Variants in LIPE observed in about 807,000 individuals in gnomAD.
LIPE encodes the protein hormone-sensitive lipase.
LIPE carries 66 observed loss-of-function variants against 88.5 expected under a neutral mutation model. The observed-to-expected ratio is 0.75, with a 90% confidence interval of 0.61 to 0.91. LIPE has a LOEUF of 0.91. Among genes scored for constraint, LIPE ranks in the 40% least tolerant of loss-of-function variants. The pLI is 0.00. For missense variants in LIPE, 1,346 were observed against 1,434.7 expected (o/e 0.94, Z 1.00); for synonymous variants, 570 against 617.5 (o/e 0.92, Z 1.14).
At position 42,408,307 on chromosome 19, in the gene LIPE, G is replaced by T. The variant is rs1303057820; in HGVS notation, c.1435C>A (p.Arg479=). ...CLGFQFTPAI[R]PFLQTISIGL... The stretch of plus-strand genomic sequence containing the variant: ...ATGGAGATGGTCTGCAGGAATGGCC[G>T]GATGGCAGGCGTGAACTGTGGAGAG... Residue 479 remains arginine, a synonymous_variant, in exon 3 of 10, where the codon CGG becomes AGG. Transcript: ENST00000244289. This position sits in a 1 kb window ranked among gnomAD's most constrained non-coding sequence, Gnocchi z 4.3. 6.2e-7 allele frequency: 1 copy of T among 1,614,060 alleles called. No individual in the cohort carries two copies. The highest frequency in any genetic ancestry group is 1.7e-5 in the Admixed American group (1 of 60,010).
intron 1 of LIPE, among the ~76,000 whole-genome samples, chr19:42,418,367 C>G (rs760925676): frequency 1.3e-5 from 2 of 152,152 alleles, no homozygotes; most frequent in East Asian, 1.9e-4. Flanking sequence ...GTGAGTGAAT[C>G]GAAGCAGAAA....
chr19:42,424,436 G>A (rs1336257404), intron 1 of LIPE: 1 of 456,278 alleles, frequency 2.2e-6, no homozygotes. Flanking sequence ...CCGCCGCGGT[G>A]GTGTGGGGCG....
chr19:42,417,556 A>AT (rs1330554095), intron 1 of LIPE, among the ~76,000 whole-genome samples: 5 of 151,878 alleles, frequency 3.3e-5, no homozygotes, highest in Non-Finnish European at 5.9e-5. Flanking sequence ...CATCTGGCTA[A>AT]TTTTTTGTGT....
At position 42,408,311 on chromosome 19, in the gene LIPE, G is replaced by A. The variant is rs753000920; in HGVS notation, c.1431C>T (p.Ala477=). The A allele has an allele frequency of 8.7e-6, 14 of 1,613,960 alleles. No homozygotes were observed. The highest frequency in any genetic ancestry group is 2.7e-5 in the African/African-American group (2 of 74,918). The change falls in exon 3 of 10, where the codon GCC becomes GCT. Residue 477 remains alanine (A), a synonymous_variant. Transcript: ENST00000244289. The surrounding 1 kb of genome is among the most constrained non-coding windows in gnomAD (Gnocchi z 4.3). ...GRCLGFQFTP[A]IRPFLQTISI... ...AGATGGTCTGCAGGAATGGCCGGAT[G>A]GCAGGCGTGAACTGTGGAGAGACGC...
chr19:42,419,427 C>T (rs975233333), intron 1 of LIPE, among the ~76,000 whole-genome samples: 2 of 152,170 alleles, frequency 1.3e-5, no homozygotes, highest in Admixed American at 6.5e-5. Flanking sequence ...GGCGGCTCCC[C>T]GAGGACTGGG....
chr19:42,408,269 G>A lies in LIPE; in HGVS notation c.1473C>T (p.Ser491=). The A allele has an allele frequency of 6.2e-7, 1 of 1,614,136 alleles. No homozygotes were observed. Among genetic ancestry groups the A allele is most frequent in the Non-Finnish European group, 8.5e-7 (1 of 1,180,016 alleles). Residue 491 remains serine, a synonymous_variant, in exon 3 of 10, where the codon TCC becomes TCT. Transcript: ENST00000244289. The surrounding 1 kb of genome is among the most constrained non-coding windows in gnomAD (Gnocchi z 4.3). ...CGTTGCGTTTGTAGTGCTCCCCGAAGGACACCAGCCCAATGGAGATGGTCT... is the reference window on the plus strand; with the variant it reads ...CGTTGCGTTTGTAGTGCTCCCCGAAAGACACCAGCCCAATGGAGATGGTCT... The part of the protein sequence containing the change: ...FLQTISIGLV[S]FGEHYKRNET...
At chr19:42,416,273 G>A (rs2040485764) in intron 1 of LIPE, among the ~76,000 whole-genome samples, 1 of 152,042 alleles carries the variant, frequency 6.6e-6, no homozygotes, top group South Asian at 2.1e-4. Flanking sequence ...GAACCTGGGA[G>A]GCGGTGGTTG....
intron 1 of LIPE, among the ~76,000 whole-genome samples, chr19:42,421,623 C>T (rs895912347): frequency 6.6e-6 from 1 of 152,356 alleles, no homozygotes; most frequent in African/African-American, 2.4e-5. Context: ...TGTGCGTCCA[C>T]AAACTCCCTG....
rs141921519 is a variant in LIPE, at chr19:42,406,303, G to A, written c.2223C>T (p.Tyr741=). The A allele has an allele frequency of 6.6e-3, 10,666 of 1,614,090 alleles. 42 individuals are homozygous for A. The highest frequency in any genetic ancestry group is 8.2e-3 in the Non-Finnish European group (9,724 of 1,180,000). ...TGATGCCATCTGGCACCCGCACCCCGTAGGCTGCTGCCCGAAGAGCCACGG... is the reference window on the plus strand; with the variant it reads ...TGATGCCATCTGGCACCCGCACCCCATAGGCTGCTGCCCGAAGAGCCACGG... ...CFTVALRAAA[Y]GVRVPDGIMA... Residue 741 remains tyrosine, a synonymous_variant, in exon 7 of 10, where the codon TAC becomes TAT. Transcript: ENST00000244289. The surrounding 1 kb of genome is among the most constrained non-coding windows in gnomAD (Gnocchi z 5.7).
Position 42,424,951 on chromosome 19 carries a change from T to A in LIPE, c.883+1316A>T, listed in dbSNP as rs2040681232. 8 of 298,162 alleles carry A rather than the reference T, an allele frequency of 2.7e-5. 1 individual carries two copies. The highest frequency in any genetic ancestry group is 2.4e-4 in the South Asian group (8 of 33,256). 18.5% of individuals were successfully genotyped at this position (298,162 alleles called of 1,614,324 possible). On this transcript the variant is annotated intron_variant, in intron 1 of 9. Transcript: ENST00000244289. ...GAGCCTTGGGCCCGTTATCCTCTGA[T>A]GCTGCTCCCCCAACTTTCCTGCCGT...
At chr19:42,412,720 G>T in intron 1 of LIPE, 1 of 246,214 alleles carries the variant, frequency 4.1e-6, no homozygotes, top group Non-Finnish European at 6.5e-6. Context: ...CCTAGCCCCA[G>T]TCCTGAACAA....
At chr19:42,416,349 A>T (rs994280439) in intron 1 of LIPE, among the ~76,000 whole-genome samples, 7 of 152,202 alleles carry the variant, frequency 4.6e-5, no homozygotes, top group African/African-American at 1.7e-4. Flanking sequence ...TGTCTCAAAA[A>T]AAAAAGTGCA....
At position 42,402,817 on chromosome 19, in the gene LIPE, C is replaced by CA; in HGVS notation, c.2756_2757insT (p.Glu920GlyfsTer4). 6.2e-7 allele frequency: 1 copy of CA among 1,613,458 alleles called. No homozygotes were observed. On this transcript the variant is annotated frameshift_variant, in exon 9 of 10. Coordinates refer to ENST00000244289, the MANE Select transcript of LIPE (RefSeq NM_005357.4). LOFTEE classifies it high-confidence loss of function. ...GCTCATTTTTGGCCTCAGCCTCTTCCCCTGCATCCTCAGGTGGTAATAAGA... is the reference window on the plus strand; with the variant it reads ...GCTCATTTTTGGCCTCAGCCTCTTCCACCTGCATCCTCAGGTGGTAATAAGA...
chr19:42,401,998 C>G lies in LIPE; in HGVS notation c.3045G>C (p.Thr1015=), dbSNP rs937789609. The change falls in exon 10 of 10, where the codon ACG becomes ACC. Residue 1015 remains threonine (T), a synonymous_variant. Coordinates refer to ENST00000244289, the MANE Select transcript of LIPE (RefSeq NM_005357.4). ...GCGGCAGGTCCTCCACCACGCGCAG[C>G]GTCACCGGCTGGCCCAGGTTGCGCA... The part of the protein sequence containing the change: ...RRLRNLGQPV[T]LRVVEDLPHG... The G allele has an allele frequency of 6.4e-7, 1 of 1,553,612 alleles. No homozygotes were observed. Among genetic ancestry groups the G allele is most frequent in the Non-Finnish European group, 8.7e-7 (1 of 1,151,338 alleles).
In LIPE at chr19:42,405,449, T is replaced by C. The variant is rs1294244166; in HGVS notation, c.2478A>G (p.Ser826=). 2.5e-6 allele frequency: 4 copies of C among 1,613,976 alleles called. No individual in the cohort carries two copies. The South Asian group carries it at 4.4e-5, about 18-fold the overall frequency. ...LLRDFRLGAS[S]WLNSFLELSG... is the part of the protein sequence containing the mutation. ...TTAACTCCAGGAAGGAGTTGAGCCATGAGGAGGCACCCAGGCGGAAGTCTC... is the reference window on the plus strand; with the variant it reads ...TTAACTCCAGGAAGGAGTTGAGCCACGAGGAGGCACCCAGGCGGAAGTCTC... The change falls in exon 8 of 10, where the codon TCA becomes TCG. Residue 826 remains serine, a synonymous_variant. Coordinates refer to ENST00000244289, the MANE Select transcript of LIPE (RefSeq NM_005357.4).
chr19:42,408,509 T>A lies in LIPE; in HGVS notation c.1420-187A>T, dbSNP rs2040265938. On this transcript the variant is annotated intron_variant, in intron 2 of 9. Coordinates refer to ENST00000244289, the MANE Select transcript of LIPE (RefSeq NM_005357.4). The surrounding 1 kb of genome is among the most constrained non-coding windows in gnomAD (Gnocchi z 4.3). ...ATGTTCTCAAAGGGAAAACAAATGATCAGCAGATAAGCAAAGCCACGCGCA... is the reference window on the plus strand; with the variant it reads ...ATGTTCTCAAAGGGAAAACAAATGAACAGCAGATAAGCAAAGCCACGCGCA... 7 of 593,852 alleles carry A rather than the reference T, an allele frequency of 1.2e-5. 1 individual carries two copies. In the South Asian group the frequency reaches 1.4e-4, roughly 12 times the overall value. 36.8% of individuals were successfully genotyped at this position (593,852 alleles called of 1,614,324 possible).
Position 42,408,803 on chromosome 19 carries a change from G to A in LIPE, c.1420-481C>T, listed in dbSNP as rs1313746153. Among the ~76,000 whole-genome samples, 2 of 150,176 alleles carry A rather than the reference G, an allele frequency of 1.3e-5. No homozygotes were observed. The highest frequency in any genetic ancestry group is 6.6e-5 in the Admixed American group (1 of 15,088). ...CACACCACTGCACTCCAGCCTGGGC[G>A]ACAGAGCGAGACTCTGTCTCTAAAA... is the stretch of plus-strand genomic sequence containing the variant. On this transcript the variant is annotated intron_variant, in intron 2 of 9. Coordinates refer to ENST00000244289, the MANE Select transcript of LIPE (RefSeq NM_005357.4). The surrounding 1 kb of genome is among the most constrained non-coding windows in gnomAD (Gnocchi z 4.3).
chr19:42,407,908 ACAGAGACCTACTGTGGCCT>A lies in LIPE; in HGVS notation c.1656+49_1656+67del. The A allele has an allele frequency of 6.3e-7, 1 of 1,579,024 alleles. No individual in the cohort carries two copies. Among genetic ancestry groups the A allele is most frequent in the East Asian group, 2.3e-5 (1 of 43,492 alleles). ...GTGCCATCCCTGGGCCTGGAGCCCC[ACAGAGACCTACTGTGGCCT>A]CAGATGAGTCTCTGGGCCTCAGTGT... On this transcript the variant is annotated intron_variant, in intron 4 of 9. Transcript: ENST00000244289. This position sits in a 1 kb window ranked among gnomAD's most constrained non-coding sequence, Gnocchi z 5.8.
Position 42,401,969 on chromosome 19 carries a change from C to T in LIPE, c.3074G>A (p.Gly1025Asp). The change falls in exon 10 of 10, where the codon GGC becomes GAC. Residue 1025 changes from glycine (G) to aspartate (D), a missense_variant. Coordinates refer to ENST00000244289, the MANE Select transcript of LIPE (RefSeq NM_005357.4). The part of the protein sequence containing the change: ...TLRVVEDLPH[G>D]FLTLAALCRE... Reference sequence around the variant, plus strand: ...GCACAGCGCCGCTAGGGTCAGGAAGCCGTGCGGCAGGTCCTCCACCACGCG... The same window carrying T: ...GCACAGCGCCGCTAGGGTCAGGAAGTCGTGCGGCAGGTCCTCCACCACGCG... 1.3e-6 allele frequency: 2 copies of T among 1,557,084 alleles called. No homozygotes were observed. The highest frequency in any genetic ancestry group is 8.7e-7 in the Non-Finnish European group (1 of 1,154,184).
Sources: gnomAD v4.1 joint callset for allele counts (sites outside exome capture counted in the v4.1 genomes callset) on GRCh38, gnomAD v4.1.1 for gene constraint, Gnocchi (gnomAD v3.1) non-coding constraint, MANE v1.5 for transcripts, NCBI Gene and HGNC (gene_info 2026-07-23, HGNC 2026-07-21) for gene names.